Variants in ASIC2 observed in about 807,000 individuals in gnomAD.
ASIC2 encodes acid-sensing ion channel 2.
Under a neutral mutation model 57.3 loss-of-function variants are expected in ASIC2, and 25 were observed. That is an observed-to-expected ratio of 0.44 (90% CI 0.32 to 0.61). The LOEUF (loss-of-function observed/expected upper bound fraction) is 0.61, where lower values mean the gene tolerates loss of function less well. ASIC2 is among the 20% of genes least tolerant of loss of function. The pLI is 0.06. For missense variants in ASIC2, 641 were observed against 738.1 expected, an observed-to-expected ratio of 0.87 and a Z score of 1.52; for synonymous variants, 319 against 307.5, an observed-to-expected ratio of 1.04 and a Z score of -0.39.
intron 1 of ASIC2, among the ~76,000 whole-genome samples, chr17:33,479,854 T>C (rs772154832): frequency 2.0e-5 from 3 of 152,164 alleles, no homozygotes; most frequent in Non-Finnish European, 4.4e-5. Flanking sequence ...TTCCAATCTT[T>C]AAAACTGTGT....
chr17:34,051,447 T>C (rs747446579), intron 1 of ASIC2, among the ~76,000 whole-genome samples: 45 of 152,216 alleles, frequency 3.0e-4, no homozygotes, highest in Non-Finnish European at 5.0e-4. Context: ...TAAAATTGGA[T>C]TGGTGATCTG....
chr17:33,920,103 G>A (rs1374182839), intron 1 of ASIC2, among the ~76,000 whole-genome samples: 1 of 152,154 alleles, frequency 6.6e-6, no homozygotes, highest in Non-Finnish European at 1.5e-5. Flanking sequence ...ACTGTGGCAA[G>A]CAGTTTGGAG....
At chr17:33,410,145 C>T (rs948813806) in intron 1 of ASIC2, among the ~76,000 whole-genome samples, 1 of 152,026 alleles carries the variant, frequency 6.6e-6, no homozygotes, top group Non-Finnish European at 1.5e-5. Flanking sequence ...CAATGAGGCT[C>T]TAATCGCTGA....
Position 33,829,973 on chromosome 17 carries a change from A to C in ASIC2, c.555+326005T>G, listed in dbSNP as rs188358952. Among the ~76,000 whole-genome samples the C allele has an allele frequency of 6.5e-3, 987 of 152,340 alleles. 11 individuals carry two copies. Among genetic ancestry groups the C allele is most frequent in the African/African-American group, 0.023 (947 of 41,576 alleles). On this transcript the variant is annotated intron_variant, in intron 1 of 9. Transcript: ENST00000359872. ...ATATAGCATCTACTGTTCAACCCAA[A>C]GCAGAAATATTTTCTCCAGAATCAC...
At chr17:33,239,857 C>T (rs1309342127) in intron 1 of ASIC2, among the ~76,000 whole-genome samples, 1 of 152,218 alleles carries the variant, frequency 6.6e-6, no homozygotes, top group Non-Finnish European at 1.5e-5. Flanking sequence ...CAGGCCTTTG[C>T]ACATGCTGTT....
intron 1 of ASIC2, among the ~76,000 whole-genome samples, chr17:33,331,567 A>G (rs1250138819): frequency 6.6e-6 from 1 of 152,196 alleles, no homozygotes; most frequent in Admixed American, 6.5e-5. Context: ...AAGACTTTTT[A>G]TTCTGCTACA....
At chr17:33,558,504 T>C (rs1915976100) in intron 1 of ASIC2, among the ~76,000 whole-genome samples, 1 of 152,218 alleles carries the variant, frequency 6.6e-6, no homozygotes, top group Non-Finnish European at 1.5e-5. Context: ...TACTAAAATT[T>C]CAAAAATTCC....
chr17:34,066,434 T>C (rs1485046367), intron 1 of ASIC2, among the ~76,000 whole-genome samples: 4 of 152,240 alleles, frequency 2.6e-5, no homozygotes, highest in Admixed American at 6.5e-5. Flanking sequence ...TCAGCATCTA[T>C]GTTTTTTTAA....
intron 1 of ASIC2, among the ~76,000 whole-genome samples, chr17:33,654,155 T>C (rs1907007188): frequency 6.6e-6 from 1 of 152,240 alleles, no homozygotes; most frequent in Non-Finnish European, 1.5e-5. Context: ...GCTGTCTGGC[T>C]AGAACAAGGT....
chr17:34,082,456 T>C (rs577502826), intron 1 of ASIC2, among the ~76,000 whole-genome samples: 34 of 152,332 alleles, frequency 2.2e-4, no homozygotes, highest in African/African-American at 7.5e-4. Context: ...AAAAATCTCA[T>C]ACAAAAGCAT....
intron 1 of ASIC2, among the ~76,000 whole-genome samples, chr17:34,075,823 C>CTTTTTTTTTT (rs57703083): frequency 1.3e-5 from 1 of 77,548 alleles, no homozygotes; most frequent in Non-Finnish European, 2.3e-5. Flanking sequence ...TTTCTTTTTC[C>CTTTTTTTTTT]TTTTTTTTTT....
intron 1 of ASIC2, among the ~76,000 whole-genome samples, chr17:33,476,544 G>GGTGT (rs59467363): frequency 2.0e-4 from 21 of 104,696 alleles, no homozygotes; most frequent in Admixed American, 8.8e-4. Flanking sequence ...TATGTACAGG[G>GGTGT]GTGTGTGTGT....
intron 1 of ASIC2, among the ~76,000 whole-genome samples, chr17:33,535,638 C>T (rs1045243688): frequency 2.0e-5 from 3 of 152,088 alleles, no homozygotes; most frequent in South Asian, 2.1e-4. Flanking sequence ...CTCTCTCTAT[C>T]GCCTCCTGCC....
chr17:33,755,480 C>T (rs1003150459), intron 1 of ASIC2, among the ~76,000 whole-genome samples: 5 of 152,222 alleles, frequency 3.3e-5, no homozygotes, highest in Non-Finnish European at 7.3e-5. Flanking sequence ...TTCTGAGTCT[C>T]TCTTTGGGAT....
chr17:33,937,450 G>C (rs1413941370), intron 1 of ASIC2, among the ~76,000 whole-genome samples: 7 of 151,278 alleles, frequency 4.6e-5, no homozygotes, highest in Admixed American at 4.6e-4. Flanking sequence ...CCATCAGAAT[G>C]TAATGTATAC....
At chr17:33,851,589 G>A (rs1326297611) in intron 1 of ASIC2, among the ~76,000 whole-genome samples, 5 of 152,196 alleles carry the variant, frequency 3.3e-5, no homozygotes, top group Admixed American at 2.6e-4. Context: ...TGCAGGAAAG[G>A]ATTTGTTTAA....
At chr17:33,799,403 T>TTTCTTTTCTTTCTTTCTTTCTTTCTTTC (rs756059318) in intron 1 of ASIC2, among the ~76,000 whole-genome samples, 4 of 51,312 alleles carry the variant, frequency 7.8e-5, no homozygotes, top group African/African-American at 2.6e-4. Context: ...TCTTTCTTTC[T>TTTCTTTTCTTTCTTTCTTTCTTTCTTTC]TTTCTTTCTT....
intron 1 of ASIC2, among the ~76,000 whole-genome samples, chr17:33,228,090 C>G (rs564331969): frequency 7.2e-5 from 11 of 152,282 alleles, no homozygotes; most frequent in African/African-American, 2.6e-4. Context: ...TGCTTTTCTC[C>G]TCTGAGGCAC....
At chr17:33,770,234 A>G (rs983542034) in intron 1 of ASIC2, among the ~76,000 whole-genome samples, 2 of 152,192 alleles carry the variant, frequency 1.3e-5, no homozygotes, top group African/African-American at 4.8e-5. Context: ...ATACACTGTG[A>G]TGGATGCTTT....
Sources: gnomAD v4.1 joint callset for allele counts (sites outside exome capture counted in the v4.1 genomes callset) on GRCh38, gnomAD v4.1.1 for gene constraint, MANE v1.5 for transcripts, NCBI Gene and HGNC (gene_info 2026-07-23, HGNC 2026-07-21) for gene names.